Variants in NUP153 observed in about 807,000 individuals in gnomAD.
The protein encoded by NUP153 is nucleoporin 153.
A neutral mutation model predicts 134.6 loss-of-function variants in NUP153; 27 were observed. The observed-to-expected ratio is 0.20, with a 90% confidence interval of 0.15 to 0.28. NUP153 has a LOEUF of 0.28. NUP153 is among the 10% of genes least tolerant of loss of function. The pLI is 1.00. For synonymous variants in NUP153, 640 were observed against 623.5 expected (o/e 1.03, Z -0.40); for missense variants, 1,821 against 1,731.3 (o/e 1.05, Z -0.92).
intron 8 of NUP153, among the ~76,000 whole-genome samples, chr6:17,667,656 G>A (rs1441019455): frequency 6.6e-6 from 1 of 152,200 alleles, no homozygotes; most frequent in African/African-American, 2.4e-5. Flanking sequence ...GGAGGTTGCA[G>A]TGAGCTGCGA....
chr6:17,665,987 C>CT (rs199861173), intron 8 of NUP153, among the ~76,000 whole-genome samples: 2,287 of 136,232 alleles, frequency 0.017, 65 homozygotes, highest in African/African-American at 0.053. Flanking sequence ...ACTCACCTGG[C>CT]TTTTTTTTTT....
intron 1 of NUP153, among the ~76,000 whole-genome samples, chr6:17,693,981 A>G (rs1561910568): frequency 2.0e-5 from 3 of 151,744 alleles, no homozygotes; most frequent in African/African-American, 2.4e-5. Flanking sequence ...CACCCATCTC[A>G]TTTTGCTTCC....
chr6:17,624,866 G>A (rs1453823485), intron 19 of NUP153, 33 bp from the exon 20 acceptor site: 2 of 1,522,186 alleles, frequency 1.3e-6, no homozygotes, highest in Admixed American at 4.4e-5. Context: ...AAGTCACCAT[G>A]GTGGCTAATG....
At chr6:17,690,728 G>A (rs1769224084) in intron 1 of NUP153, among the ~76,000 whole-genome samples, 1 of 152,096 alleles carries the variant, frequency 6.6e-6, no homozygotes, top group Non-Finnish European at 1.5e-5. Context: ...TAAAATCAAG[G>A]CAGAATATAT....
At chr6:17,659,792 A>G (rs1767074487) in intron 11 of NUP153, among the ~76,000 whole-genome samples, 1 of 152,200 alleles carries the variant, frequency 6.6e-6, no homozygotes, top group Non-Finnish European at 1.5e-5. Context: ...TCTTAAATAT[A>G]ATTAATAAAG....
At position 17,625,623 on chromosome 6, in the gene NUP153, T is replaced by C. The variant is rs1764894634; in HGVS notation, c.3901+185A>G. ...AATTGCTCCCAAGAGGTAAATATGT[T>C]AAAGTTGAACACAGAGAGTGTACAT... On this transcript the variant is annotated intron_variant, in intron 19 of 21. Coordinates refer to ENST00000262077, the MANE Select transcript of NUP153 (RefSeq NM_005124.4). This position sits in a 1 kb window ranked among gnomAD's most constrained non-coding sequence, Gnocchi z 4.7. Among the ~76,000 whole-genome samples, 1 of 152,228 alleles carries C rather than the reference T, an allele frequency of 6.6e-6. No homozygotes were observed. The highest frequency in any genetic ancestry group is 1.5e-5 in the Non-Finnish European group (1 of 68,034).
intron 8 of NUP153, among the ~76,000 whole-genome samples, chr6:17,665,935 T>G (rs1767507562): frequency 6.6e-6 from 1 of 151,762 alleles, no homozygotes; most frequent in Admixed American, 6.6e-5. Flanking sequence ...GCAATCTGCC[T>G]GCCTCAACCT....
intron 8 of NUP153, among the ~76,000 whole-genome samples, chr6:17,668,242 A>AT (rs532695927): frequency 0.019 from 2,913 of 150,162 alleles, 94 homozygotes; most frequent in African/African-American, 0.067. Context: ...CACCTGGCTA[A>AT]TTTTTTTTTG....
chr6:17,636,011 AC>A (rs1765529297), intron 16 of NUP153, among the ~76,000 whole-genome samples: 1 of 152,138 alleles, frequency 6.6e-6, no homozygotes, highest in Non-Finnish European at 1.5e-5. Context: ...GAGCAGGGGA[AC>A]CAGATGGGAA....
At chr6:17,632,420 A>AT (rs1270246562) in intron 17 of NUP153, among the ~76,000 whole-genome samples, 1 of 152,070 alleles carries the variant, frequency 6.6e-6, no homozygotes, top group African/African-American at 2.4e-5. Flanking sequence ...GACACAAGAA[A>AT]TTTTTTTTCC....
intron 14 of NUP153, among the ~76,000 whole-genome samples, chr6:17,644,865 C>T (rs1766060365): frequency 6.6e-6 from 1 of 152,096 alleles, no homozygotes; most frequent in Non-Finnish European, 1.5e-5. Context: ...GCAGGCAGAT[C>T]ACGAGGTTAG....
At chr6:17,685,589 T>C (rs929159889) in intron 2 of NUP153, among the ~76,000 whole-genome samples, 1 of 150,572 alleles carries the variant, frequency 6.6e-6, no homozygotes, top group South Asian at 2.1e-4. Flanking sequence ...AGTTGTCCCA[T>C]AAGATTATGA....
chr6:17,616,712 A>G lies in NUP153; in HGVS notation c.4175-17T>C. ...AAGCCGAACCTGCAATAGTTAAAGC[A>G]GAAATACTTCATTAGGGCAAAATGA... is the stretch of plus-strand genomic sequence containing the variant. On this transcript the variant is annotated splice_polypyrimidine_tract_variant and intron_variant, in intron 20 of 21. Transcript: ENST00000262077. 1 of 1,601,802 alleles carries G rather than the reference A, an allele frequency of 6.2e-7. No individual in the cohort carries two copies. The highest frequency in any genetic ancestry group is 8.5e-7 in the Non-Finnish European group (1 of 1,172,144).
At chr6:17,653,923 A>G (rs190641203) in intron 11 of NUP153, among the ~76,000 whole-genome samples, 1 of 152,318 alleles carries the variant, frequency 6.6e-6, no homozygotes, top group East Asian at 1.9e-4. Context: ...CAAATATTTA[A>G]CTCTACTTCA....
chr6:17,650,592 T>C (rs568875600), intron 11 of NUP153, among the ~76,000 whole-genome samples: 68 of 152,052 alleles, frequency 4.5e-4, no homozygotes, highest in Non-Finnish European at 7.5e-4. Flanking sequence ...CTCAATAAAA[T>C]TGATCCAAAA....
At chr6:17,697,807 T>A (rs542553583) in intron 1 of NUP153, among the ~76,000 whole-genome samples, 16 of 148,722 alleles carry the variant, frequency 1.1e-4, no homozygotes, top group African/African-American at 3.5e-4. Flanking sequence ...ACAGCTGGGG[T>A]GGGGGAAGGC....
At position 17,616,175 on chromosome 6, in the gene NUP153, A is replaced by G. The variant is rs374901950; in HGVS notation, c.4350T>C (p.Asn1450=). 1.3e-5 allele frequency: 20 copies of G among 1,554,920 alleles called. No homozygotes were observed. Among genetic ancestry groups the G allele is most frequent in the Admixed American group, 3.6e-5 (2 of 56,226 alleles). Residue 1450 remains asparagine (N), a synonymous_variant, in exon 22 of 22, where the codon AAT becomes AAC. Coordinates refer to ENST00000262077, the MANE Select transcript of NUP153 (RefSeq NM_005124.4). ...CAGAAGAAGAGAACACATTTTTCCC[A>G]TTTGACCTGTGAAAAATAAAAACTT... ...QSPAAFTVGS[N]GKNVFSSSGT...
chr6:17,689,495 A>G (rs1326163713), intron 1 of NUP153, among the ~76,000 whole-genome samples: 3 of 151,878 alleles, frequency 2.0e-5, no homozygotes, highest in Non-Finnish European at 4.4e-5. Context: ...ACTACAGCAA[A>G]TGTTGGCTGA....
Position 17,628,647 on chromosome 6 carries a change from ATACT to A in NUP153, c.3544+4_3544+7del. On this transcript the variant is annotated splice_donor_5th_base_variant and intron_variant, in intron 18 of 21. Coordinates refer to ENST00000262077, the MANE Select transcript of NUP153 (RefSeq NM_005124.4). This position sits in a 1 kb window ranked among gnomAD's most constrained non-coding sequence, Gnocchi z 5.4. ...TAATAATAATAATAATAAAAAGTTAATACTTACCAGCTGTAGTACTAGTTTGAGC... is the reference window on the plus strand; with the variant it reads ...TAATAATAATAATAATAAAAAGTTAATACCAGCTGTAGTACTAGTTTGAGC... 7.1e-7 allele frequency: 1 copy of A among 1,415,048 alleles called. No homozygotes were observed. The highest frequency in any genetic ancestry group is 2.5e-5 in the East Asian group (1 of 39,240). 87.7% of individuals were successfully genotyped at this position (1,415,048 alleles called of 1,614,324 possible).
Sources: allele counts gnomAD v4.1 joint callset (sites outside exome capture counted in the v4.1 genomes callset), GRCh38; gene constraint gnomAD v4.1.1; non-coding constraint Gnocchi (gnomAD v3.1); transcripts MANE v1.5; gene names NCBI Gene and HGNC (gene_info 2026-07-23, HGNC 2026-07-21).